TMEM143: variants seen among roughly 807,000 people sequenced by gnomAD.
TMEM143 encodes the protein transmembrane protein 143.
Under a neutral mutation model 40.3 loss-of-function variants are expected in TMEM143, and 45 were observed. The observed-to-expected ratio is 1.12, with a 90% CI of 0.88 to 1.43. The LOEUF is 1.43. Among genes scored for constraint, TMEM143 ranks in the 40% most tolerant of loss-of-function variants. TMEM143 has a pLI of 0.00. For missense variants in TMEM143, 620 were observed against 613.4 expected (o/e 1.01, Z -0.11); for synonymous variants, 299 against 282.7 (o/e 1.06, Z -0.58).
intron 3 of TMEM143, among the ~76,000 whole-genome samples, chr19:48,356,410 G>C (rs1428640976): frequency 6.9e-6 from 1 of 145,072 alleles, no homozygotes; most frequent in African/African-American, 2.5e-5. Flanking sequence ...ACAGGCGTGA[G>C]TCACCACGCC....
At chr19:48,360,846 G>A (rs943821832) in intron 2 of TMEM143, among the ~76,000 whole-genome samples, 3 of 152,086 alleles carry the variant, frequency 2.0e-5, no homozygotes, top group African/African-American at 7.2e-5. Flanking sequence ...GAGCTCAGTT[G>A]TGCAATCTCA....
chr19:48,342,814 G>A lies in TMEM143; in HGVS notation c.696-5C>T. The A allele has an allele frequency of 1.3e-6, 2 of 1,594,630 alleles. No individual in the cohort carries two copies. Among genetic ancestry groups the A allele is most frequent in the East Asian group, 4.5e-5 (2 of 44,502 alleles). Reference sequence around the variant, plus strand: ...ACCACCCGCTTAAAGTATCTCCTGAGGGACAGAGACAGAGGCAGGAGCAGG... The same window carrying A: ...ACCACCCGCTTAAAGTATCTCCTGAAGGACAGAGACAGAGGCAGGAGCAGG... On this transcript the variant is annotated splice_region_variant and splice_polypyrimidine_tract_variant and intron_variant, in intron 5 of 7. Coordinates refer to ENST00000293261, the MANE Select transcript of TMEM143 (RefSeq NM_018273.4).
At chr19:48,360,954 T>C (rs1970027244) in intron 2 of TMEM143, among the ~76,000 whole-genome samples, 1 of 151,002 alleles carries the variant, frequency 6.6e-6, no homozygotes, top group Admixed American at 6.6e-5. Context: ...GCCTGGCGAA[T>C]TTTTTTCAAT....
intron 3 of TMEM143, among the ~76,000 whole-genome samples, chr19:48,348,763 C>A (rs1969701490): frequency 6.6e-6 from 1 of 152,176 alleles, no homozygotes; most frequent in African/African-American, 2.4e-5. Flanking sequence ...ATGTCAATCT[C>A]CTGCTAAAAC....
intron 3 of TMEM143, among the ~76,000 whole-genome samples, chr19:48,352,251 A>AAAAAAAAAAAAAAC (rs1569033843): frequency 6.8e-6 from 1 of 147,844 alleles, no homozygotes; most frequent in Non-Finnish European, 1.5e-5. Flanking sequence ...TGTCTCAAAA[A>AAAAAAAAAAAAAAC]AAAAAAAAAA....
At chr19:48,352,432 T>A (rs1433593198) in intron 3 of TMEM143, among the ~76,000 whole-genome samples, 1 of 147,426 alleles carries the variant, frequency 6.8e-6, no homozygotes, top group Non-Finnish European at 1.5e-5. Flanking sequence ...GCCTCCCAAG[T>A]AGCTGGGACC....
chr19:48,333,213 T>A lies in TMEM143; in HGVS notation c.*6A>T. ...CCTGCTGACTGGGCAGGGAGGTAGG[T>A]TCTACTCAGGAGATGTTACTGCTGG... On this transcript the variant is annotated 3_prime_UTR_variant, in exon 8 of 8. Transcript: ENST00000293261. The surrounding 1 kb of genome is among the most constrained non-coding windows in gnomAD (Gnocchi z 4.1). 1 of 1,453,338 alleles carries A rather than the reference T, an allele frequency of 6.9e-7. No homozygotes were observed. The highest frequency in any genetic ancestry group is 9.2e-7 in the Non-Finnish European group (1 of 1,088,346). The allele number at this position is 1,453,338 out of a possible 1,614,324, so 90.0% of individuals were successfully genotyped here.
intron 3 of TMEM143, among the ~76,000 whole-genome samples, chr19:48,358,327 T>C (rs1238888505): frequency 6.6e-6 from 1 of 150,518 alleles, no homozygotes; most frequent in Admixed American, 6.7e-5. Context: ...GAGGTTGCAG[T>C]GAGCCAAGAT....
rs191467846 is a variant in TMEM143 at position 48,342,993 on chromosome 19, C to T, written c.696-184G>A. On this transcript the variant is annotated intron_variant, in intron 5 of 7. Transcript: ENST00000293261. ...CCACAGGGGATCGGTTCAATCGCGC[C>T]ATCGATCCCTGGTATTGGACGTGCA... 8 of 760,640 alleles carry T rather than the reference C, an allele frequency of 1.1e-5. No individual in the cohort carries two copies. In the Admixed American group the frequency reaches 1.5e-4, roughly 14 times the overall value. The allele number at this position is 760,640 out of a possible 1,614,324, so 47.1% of individuals were successfully genotyped here. A position where few individuals can be genotyped will look rare whatever the true frequency, so the allele number is the denominator to read the frequency against.
At chr19:48,344,150 G>T (rs2086389629) in intron 4 of TMEM143, among the ~76,000 whole-genome samples, 1 of 152,040 alleles carries the variant, frequency 6.6e-6, no homozygotes, top group African/African-American at 2.4e-5. Context: ...GCCTCCCAAA[G>T]CACTGGGATT....
In TMEM143 at chr19:48,343,435, T is replaced by G. The variant is rs1445184482; in HGVS notation, c.581A>C (p.Asp194Ala). ...CCAGAAGTGAATGTAGACATACTGATCCAAATTTACTGTCACCTGCCGGGG... is the reference window on the plus strand; with the variant it reads ...CCAGAAGTGAATGTAGACATACTGAGCCAAATTTACTGTCACCTGCCGGGG... The part of the protein sequence containing the change: ...QDEVQVTVNL[D>A]QYVYIHFWAL... The change falls in exon 5 of 8, where the codon GAT becomes GCT. Residue 194 changes from aspartate (D) to alanine (A), a missense_variant. Coordinates refer to ENST00000293261, the MANE Select transcript of TMEM143 (RefSeq NM_018273.4). The G allele has an allele frequency of 6.3e-7, 1 of 1,581,482 alleles. No individual in the cohort carries two copies. The highest frequency in any genetic ancestry group is 1.2e-5 in the South Asian group (1 of 86,672).
intron 6 of TMEM143, among the ~76,000 whole-genome samples, chr19:48,342,170 A>G (rs1367534447): frequency 7.6e-4 from 32 of 42,092 alleles, no homozygotes; most frequent in East Asian, 1.5e-3. Flanking sequence ...GAGGGAGGGG[A>G]AGGGGAGGGG....
intron 6 of TMEM143, among the ~76,000 whole-genome samples, chr19:48,338,040 C>G (rs983473341): frequency 2.0e-5 from 3 of 152,114 alleles, no homozygotes; most frequent in African/African-American, 7.2e-5. Context: ...TCAGCACTAC[C>G]GCTGCCCACA....
rs371544732 is a variant in TMEM143 at position 48,348,292 on chromosome 19, C to T, written c.370-2938G>A. On this transcript the variant is annotated intron_variant, in intron 3 of 7. Coordinates refer to ENST00000293261, the MANE Select transcript of TMEM143 (RefSeq NM_018273.4). The stretch of plus-strand genomic sequence containing the variant: ...CAGGGCTTTGGGCCAAAAACCTGGA[C>T]ATTGCACGTGATCCCTGTTGCTCCC... 3.8e-3 allele frequency among the ~76,000 whole-genome samples: 580 copies of T among 152,278 alleles called. 3 individuals are homozygous for T. Among genetic ancestry groups the T allele is most frequent in the African/African-American group, 0.013 (532 of 41,556 alleles).
intron 3 of TMEM143, among the ~76,000 whole-genome samples, chr19:48,352,033 T>G (rs1969785138): frequency 6.7e-6 from 1 of 150,246 alleles, no homozygotes; most frequent in Non-Finnish European, 1.5e-5. Flanking sequence ...GGATCACGAG[T>G]TCAGGAGATC....
At position 48,333,295 on chromosome 19, in the gene TMEM143, C is replaced by T; in HGVS notation, c.1304G>A (p.Gly435Asp). 3 of 1,578,654 alleles carry T rather than the reference C, an allele frequency of 1.9e-6. No homozygotes were observed. The highest frequency in any genetic ancestry group is 2.3e-5 in the East Asian group (1 of 44,008). ...TPSMGLYPPPGFPKLDPVAPI... is the reference protein window; with the variant it reads ...TPSMGLYPPPDFPKLDPVAPI... The stretch of plus-strand genomic sequence containing the variant: ...AGCCACTGGGTCTAGTTTGGGGAAA[C>T]CCGGGGGTGGGTACAATCCCATGCT... The change falls in exon 8 of 8, where the codon GGT (glycine) becomes GAT (aspartate). Residue 435 changes from glycine to aspartate, a missense_variant. Physicochemically the swap from Gly to Asp is moderately conservative, Grantham distance 94. Coordinates refer to ENST00000293261, the MANE Select transcript of TMEM143 (RefSeq NM_018273.4). This position sits in a 1 kb window ranked among gnomAD's most constrained non-coding sequence, Gnocchi z 4.1.
chr19:48,352,600 C>A (rs1278834338), intron 3 of TMEM143, among the ~76,000 whole-genome samples: 1 of 151,632 alleles, frequency 6.6e-6, no homozygotes, highest in South Asian at 2.1e-4. Flanking sequence ...TATGGTGAAA[C>A]CCCGTCTCTA....
At position 48,334,410 on chromosome 19, in the gene TMEM143, TTTTCTCTCTTTC is replaced by T. The variant is rs1969297076; in HGVS notation, c.976-225_976-214del. Among the ~76,000 whole-genome samples the T allele has an allele frequency of 5.0e-5, 6 of 120,778 alleles. No individual in the cohort carries two copies. The South Asian group carries it at 1.4e-3, about 27-fold the overall frequency. The allele number at this position is 120,778 out of a possible 152,430, so 79.2% of individuals were successfully genotyped here. On this transcript the variant is annotated intron_variant, in intron 6 of 7. Coordinates refer to ENST00000293261, the MANE Select transcript of TMEM143 (RefSeq NM_018273.4). ...GGGTCTGTCTTTTCTTTTTCTTTCT[TTTTCTCTCTTTC>T]TTTCTTTCTTTCTTTCTTTCTTTCT...
chr19:48,338,113 T>C (rs1223752993), intron 6 of TMEM143, among the ~76,000 whole-genome samples: 1 of 152,034 alleles, frequency 6.6e-6, no homozygotes, highest in Non-Finnish European at 1.5e-5. Flanking sequence ...CTCCACCTAC[T>C]CAGTCACAGG....
Sources: gnomAD v4.1 joint callset for allele counts (sites outside exome capture counted in the v4.1 genomes callset) on GRCh38, gnomAD v4.1.1 for gene constraint, Gnocchi (gnomAD v3.1) non-coding constraint, MANE v1.5 for transcripts, NCBI Gene and HGNC (gene_info 2026-07-23, HGNC 2026-07-21) for gene names.